PAAF1: variants seen among roughly 807,000 people sequenced by gnomAD.
The protein encoded by PAAF1 is proteasomal ATPase associated factor 1, also known as proteasomal ATPase-associated factor 1.
PAAF1 carries 46 observed loss-of-function variants against 52.8 expected under a neutral mutation model. The ratio of observed to expected loss-of-function variants is 0.87; its 90% confidence interval spans 0.69 to 1.11. The LOEUF is 1.11. Ranked by LOEUF, PAAF1 falls within the 50% of genes most tolerant of loss-of-function variation. The pLI is 0.00. For synonymous variants in PAAF1, 178 were observed against 172.8 expected, an observed-to-expected ratio of 1.03 and a Z score of -0.24; for missense variants, 424 against 477.4, an observed-to-expected ratio of 0.89 and a Z score of 1.04.
In PAAF1 at chr11:73,899,199, T is replaced by G. The variant is rs1949522871; in HGVS notation, c.336T>G (p.Thr112=). 1 of 1,614,022 alleles carries G rather than the reference T, an allele frequency of 6.2e-7. No individual in the cohort carries two copies. The highest frequency in any genetic ancestry group is 1.3e-5 in the African/African-American group (1 of 74,910). Residue 112 remains threonine (T), a synonymous_variant, in exon 5 of 12, where the codon ACT becomes ACG. Transcript: ENST00000310571. ...GAGGTCTTGGTGTGTCTTCTAGTAC[T>G]GACGGGACCATGAAAATCTGGCAGG... The part of the protein sequence containing the change: ...SRGGLGVSSS[T]DGTMKIWQAS...
intron 6 of PAAF1, among the ~76,000 whole-genome samples, chr11:73,908,973 G>A (rs1307909261): frequency 6.6e-6 from 1 of 151,910 alleles, no homozygotes; most frequent in Non-Finnish European, 1.5e-5. Context: ...TTTTAGTAAA[G>A]ACAGGGTTTC....
At position 73,885,243 on chromosome 11, in the gene PAAF1, A is replaced by G. The variant is rs919966654; in HGVS notation, c.89-2111A>G. On this transcript the variant is annotated intron_variant, in intron 2 of 11. Transcript: ENST00000310571. ...AACCTCTGCTTGCCAGGTTCAAGGT[A>G]TTCTCCTGCTTCAGCCTCCTGAGTA... Among the ~76,000 whole-genome samples the G allele has an allele frequency of 5.3e-5, 8 of 151,760 alleles. No individual in the cohort carries two copies. In the East Asian group the frequency reaches 1.6e-3, roughly 30 times the overall value.
intron 1 of PAAF1, among the ~76,000 whole-genome samples, chr11:73,877,778 C>G (rs758004302): frequency 1.3e-5 from 2 of 152,000 alleles, no homozygotes; most frequent in Non-Finnish European, 2.9e-5. Flanking sequence ...CCCAGCTACT[C>G]GGGAGGCTGA....
chr11:73,893,891 T>C (rs887808181), intron 4 of PAAF1, among the ~76,000 whole-genome samples: 1 of 152,108 alleles, frequency 6.6e-6, no homozygotes, highest in Non-Finnish European at 1.5e-5. Flanking sequence ...AGACCTCGTC[T>C]CTACAAAAAA....
intron 6 of PAAF1, among the ~76,000 whole-genome samples, chr11:73,903,020 T>TA (rs1309410975): frequency 6.6e-6 from 1 of 152,262 alleles, no homozygotes; most frequent in Non-Finnish European, 1.5e-5. Flanking sequence ...TCAATTTAGA[T>TA]ATAAGCTTTT....
intron 11 of PAAF1, 25 bp downstream of exon 11, chr11:73,924,722 C>T: frequency 1.3e-6 from 2 of 1,586,446 alleles, no homozygotes; most frequent in Non-Finnish European, 1.7e-6. Context: ...CGACACCAGA[C>T]CTGGGTGATT....
intron 6 of PAAF1, among the ~76,000 whole-genome samples, chr11:73,908,892 G>A (rs752065097): frequency 2.0e-5 from 3 of 151,632 alleles, no homozygotes; most frequent in Non-Finnish European, 4.4e-5. Context: ...AGGTTCGAGC[G>A]ATTCTCCTGC....
rs1442216298 is a variant in PAAF1 at position 73,929,569 on chromosome 11, T to A, written c.*2207T>A. The A allele has an allele frequency of 6.6e-6, 1 of 152,244 alleles. No homozygotes were observed. Among genetic ancestry groups the A allele is most frequent in the Non-Finnish European group, 1.5e-5 (1 of 68,042 alleles). The allele number at this position is 152,244 out of a possible 1,614,324, so 9.4% of individuals were successfully genotyped here. The stretch of plus-strand genomic sequence containing the variant: ...ATACATTAAATACCAGAGGCTTCAT[T>A]TGGACCTTGGACAGCACCTTCTGCT... On this transcript the variant is annotated 3_prime_UTR_variant, in exon 12 of 12. Coordinates refer to ENST00000310571, the MANE Select transcript of PAAF1 (RefSeq NM_025155.3).
intron 4 of PAAF1, among the ~76,000 whole-genome samples, chr11:73,896,902 A>T (rs1402927409): frequency 6.7e-6 from 1 of 149,282 alleles, no homozygotes. Flanking sequence ...CACCTCCCGG[A>T]CGGGGCGGCT....
At chr11:73,889,328 T>C (rs950499449) in intron 3 of PAAF1, 1 of 826,672 alleles carries the variant, frequency 1.2e-6, no homozygotes, top group East Asian at 3.0e-5. Flanking sequence ...CATTGTTCTC[T>C]TAAACAGTAG....
chr11:73,917,170 G>A (rs1447588801), intron 9 of PAAF1, among the ~76,000 whole-genome samples: 3 of 151,996 alleles, frequency 2.0e-5, no homozygotes, highest in Non-Finnish European at 4.4e-5. Flanking sequence ...ACAGGTGCGC[G>A]CTACCACACC....
chr11:73,899,724 A>G (rs1459045095), intron 5 of PAAF1, among the ~76,000 whole-genome samples: 4 of 152,080 alleles, frequency 2.6e-5, no homozygotes, highest in Admixed American at 6.6e-5. Context: ...TCAGCTGTCA[A>G]TTCGAGAACC....
chr11:73,878,788 A>C lies in PAAF1; in HGVS notation c.57A>C (p.Glu19Asp), dbSNP rs752467461. ...SDWAQALRKDEGEAWLSCHPP... is the reference protein window; with the variant it reads ...SDWAQALRKDDGEAWLSCHPP... Reference sequence around the variant, plus strand: ...TTGTCTTTCTTCGTAGGAAGGATGAAGGGGAGGCCTGGCTGAGCTGTCATC... The same window carrying C: ...TTGTCTTTCTTCGTAGGAAGGATGACGGGGAGGCCTGGCTGAGCTGTCATC... Residue 19 changes from glutamate to aspartate, a missense_variant, in exon 2 of 12, where the codon GAA (glutamate) becomes GAC (aspartate). By Grantham distance (45) the Glu-to-Asp change is conservative. Coordinates refer to ENST00000310571, the MANE Select transcript of PAAF1 (RefSeq NM_025155.3). 2 of 1,613,332 alleles carry C rather than the reference A, an allele frequency of 1.2e-6. No individual in the cohort carries two copies. Among genetic ancestry groups the C allele is most frequent in the Non-Finnish European group, 1.7e-6 (2 of 1,179,576 alleles).
chr11:73,876,748 G>T (rs868834286), upstream of PAAF1: 17 of 332,780 alleles, frequency 5.1e-5, 1 homozygote, highest in Middle Eastern at 5.4e-3. Flanking sequence ...CGCGGTACGC[G>T]ATGCTCACCG....
intron 4 of PAAF1, among the ~76,000 whole-genome samples, chr11:73,896,455 G>A (rs959470401): frequency 4.0e-5 from 6 of 151,282 alleles, no homozygotes; most frequent in Non-Finnish European, 5.9e-5. Context: ...GCCTTCCGCA[G>A]TGTTTGTGTC....
At chr11:73,893,951 C>T (rs553411572) in intron 4 of PAAF1, among the ~76,000 whole-genome samples, 50 of 151,882 alleles carry the variant, frequency 3.3e-4, no homozygotes, top group Non-Finnish European at 6.0e-4. Flanking sequence ...CCCAGCTAGT[C>T]GCCTGGCTTA....
intron 2 of PAAF1, among the ~76,000 whole-genome samples, chr11:73,886,010 T>A (rs1017557943): frequency 2.6e-5 from 4 of 151,954 alleles, no homozygotes; most frequent in African/African-American, 9.7e-5. Flanking sequence ...GTCAGACATG[T>A]AAACAGTGTG....
chr11:73,893,907 AAGTT>A (rs1035622680), intron 4 of PAAF1, among the ~76,000 whole-genome samples: 2 of 151,820 alleles, frequency 1.3e-5, no homozygotes, highest in African/African-American at 4.8e-5. Context: ...AAAAAATTAA[AAGTT>A]AGCCAGGTAT....
At chr11:73,888,047 C>T (rs556851324) in intron 3 of PAAF1, among the ~76,000 whole-genome samples, 2 of 152,200 alleles carry the variant, frequency 1.3e-5, no homozygotes, top group South Asian at 2.1e-4. Flanking sequence ...CATGCCCAAG[C>T]GAAATTGATT....
Sources: gnomAD v4.1 joint callset for allele counts (sites outside exome capture counted in the v4.1 genomes callset) on GRCh38, gnomAD v4.1.1 for gene constraint, MANE v1.5 for transcripts, NCBI Gene and HGNC (gene_info 2026-07-23, HGNC 2026-07-21) for gene names.